Variants in MTFR1 observed in about 807,000 individuals in gnomAD.
MTFR1 encodes mitochondrial fission regulator 1, also known as chondrocyte protein with a poly-proline region.
A neutral mutation model predicts 38.8 loss-of-function variants in MTFR1; 28 were observed. That is an observed-to-expected ratio of 0.72 (90% confidence interval 0.53 to 0.99). The LOEUF (loss-of-function observed/expected upper bound fraction) is 0.99. MTFR1 is among the 50% of genes least tolerant of loss of function. The pLI is 0.00. For missense variants in MTFR1, 358 were observed against 395.5 expected, an observed-to-expected ratio of 0.91 and a Z score of 0.81; for synonymous variants, 145 against 137.0, an observed-to-expected ratio of 1.06 and a Z score of -0.41.
chr8:65,719,534 T>C (rs200359177), intron 3 of MTFR1: 2 of 1,288,524 alleles, frequency 1.6e-6, no homozygotes, highest in Non-Finnish European at 2.3e-6. Context: ...ACATATATGC[T>C]GAAACTCTAT....
intron 3 of MTFR1, among the ~76,000 whole-genome samples, chr8:65,746,529 A>G (rs2128906093): frequency 6.6e-6 from 1 of 152,322 alleles, no homozygotes. Flanking sequence ...TAAATCCCAC[A>G]AAGGCCCTAA....
chr8:65,745,942 G>A (rs1284457620), intron 3 of MTFR1, among the ~76,000 whole-genome samples: 1 of 146,736 alleles, frequency 6.8e-6, no homozygotes, highest in Non-Finnish European at 1.5e-5. Flanking sequence ...TTTTTTCTTT[G>A]AGACAGGGTC....
chr8:65,728,519 G>T (rs1052052579), intron 3 of MTFR1: 1 of 152,092 alleles, frequency 6.6e-6, no homozygotes, highest in African/African-American at 2.4e-5. Flanking sequence ...ACACGGAGAA[G>T]GTCAATGAAT....
chr8:65,754,105 C>G (rs1304797466), intron 3 of MTFR1, among the ~76,000 whole-genome samples: 2 of 152,116 alleles, frequency 1.3e-5, no homozygotes, highest in Non-Finnish European at 2.9e-5. Flanking sequence ...AGTCCCAGAA[C>G]TGAAGAACTT....
downstream of MTFR1, among the ~76,000 whole-genome samples, chr8:65,713,545 G>C (rs1806020496): frequency 6.6e-6 from 1 of 151,904 alleles, no homozygotes; most frequent in African/African-American, 2.4e-5. Flanking sequence ...AGACTTTAAG[G>C]TGGGTTTCAG....
chr8:65,740,897 C>T (rs974957607), intron 3 of MTFR1, among the ~76,000 whole-genome samples: 4 of 152,120 alleles, frequency 2.6e-5, no homozygotes, highest in Non-Finnish European at 5.9e-5. Flanking sequence ...CTCTCCTGGC[C>T]CCCTCCAGTT....
intron 1 of MTFR1, among the ~76,000 whole-genome samples, chr8:65,658,268 T>C (rs1809320659): frequency 1.3e-5 from 2 of 152,242 alleles, no homozygotes; most frequent in Non-Finnish European, 2.9e-5. Flanking sequence ...AACATTGTCA[T>C]TGTTGCTAAC....
At chr8:65,772,573 T>C (rs973886033), downstream of MTFR1, among the ~76,000 whole-genome samples, 13 of 152,130 alleles carry the variant, frequency 8.5e-5, no homozygotes, top group African/African-American at 2.7e-4. Flanking sequence ...TACTGATATC[T>C]TCAACTAGTG....
chr8:65,754,050 C>T (rs992731134), intron 3 of MTFR1, among the ~76,000 whole-genome samples: 1 of 152,052 alleles, frequency 6.6e-6, no homozygotes, highest in Non-Finnish European at 1.5e-5. Context: ...CACAAGGTCC[C>T]ACAATAGGGC....
At chr8:65,759,549 C>T (rs1448448984) in intron 3 of MTFR1, among the ~76,000 whole-genome samples, 1 of 152,214 alleles carries the variant, frequency 6.6e-6, no homozygotes, top group Non-Finnish European at 1.5e-5. Context: ...CTCCCTTCAA[C>T]AAGTACTCTC....
At chr8:65,717,684 A>G (rs556891137) in intron 2 of MTFR1, 4 of 152,376 alleles carry the variant, frequency 2.6e-5, no homozygotes, top group African/African-American at 9.6e-5. Context: ...AGATAAAAAT[A>G]TGAAAAGATA....
chr8:65,656,500 A>ATT (rs1232069011), intron 1 of MTFR1, among the ~76,000 whole-genome samples: 11 of 129,768 alleles, frequency 8.5e-5, no homozygotes, highest in East Asian at 2.3e-4. Context: ...TGCCTGGCTA[A>ATT]TTTTTTTTTT....
chr8:65,752,559 T>C (rs1347473489), intron 3 of MTFR1, among the ~76,000 whole-genome samples: 1 of 152,174 alleles, frequency 6.6e-6, no homozygotes, highest in Non-Finnish European at 1.5e-5. Flanking sequence ...CTAGGTATTT[T>C]TGTATGGCCG....
At chr8:65,668,184 C>CTTTT (rs200290743) in intron 1 of MTFR1, among the ~76,000 whole-genome samples, 3 of 109,184 alleles carry the variant, frequency 2.7e-5, no homozygotes, top group Admixed American at 9.5e-5. Context: ...TTTTTTTTTT[C>CTTTT]TTTTTTTTTT....
intron 3 of MTFR1, among the ~76,000 whole-genome samples, chr8:65,731,376 G>T (rs2128895659): frequency 6.6e-6 from 1 of 152,274 alleles, no homozygotes; most frequent in Non-Finnish European, 1.5e-5. Flanking sequence ...AAGGTTTAAA[G>T]GTTCAGTGCT....
intron 4 of MTFR1, among the ~76,000 whole-genome samples, chr8:65,696,434 G>A (rs377078941): frequency 6.6e-6 from 1 of 152,134 alleles, no homozygotes; most frequent in Non-Finnish European, 1.5e-5. Flanking sequence ...GTAACATCCT[G>A]CAAAACTATA....
intron 3 of MTFR1, chr8:65,726,971 A>T: frequency 6.5e-7 from 1 of 1,532,330 alleles, no homozygotes; most frequent in Non-Finnish European, 9.0e-7. Context: ...GGTATTCTAC[A>T]ACAAAGGACG....
chr8:65,689,542 T>C, intron 3 of MTFR1: 1 of 1,250,700 alleles, frequency 8.0e-7, no homozygotes, highest in Admixed American at 2.6e-5. Flanking sequence ...CTTCACTTTT[T>C]TTTTCTTTTT....
intron 3 of MTFR1, chr8:65,723,484 T>C (rs780601058): frequency 7.4e-7 from 1 of 1,347,820 alleles, no homozygotes; most frequent in South Asian, 2.1e-5. Flanking sequence ...ATATTTCCCT[T>C]CTTGATAAAA....
Sources: allele counts gnomAD v4.1 joint callset (sites outside exome capture counted in the v4.1 genomes callset), GRCh38; gene constraint gnomAD v4.1.1; transcripts MANE v1.5; gene names NCBI Gene and HGNC (gene_info 2026-07-23, HGNC 2026-07-21).